The following LMO7 variants were observed in gnomAD, a reference collection of about 807,000 sequenced individuals.
LMO7 encodes the protein LIM domain 7.
LMO7 carries 120 observed loss-of-function variants against 206.5 expected under a neutral mutation model. The ratio of observed to expected loss-of-function variants is 0.58; its 90% CI spans 0.50 to 0.68. The LOEUF is 0.68. Ranked by LOEUF, LMO7 falls within the 30% of genes least tolerant of loss-of-function variation. The probability of loss-of-function intolerance (pLI) is 0.00; values close to 1 mark genes in which losing one functional copy is unlikely to be tolerated. For missense variants in LMO7, 1,959 were observed against 1,957.9 expected (o/e 1.00, Z -0.01); for synonymous variants, 706 against 681.5 (o/e 1.04, Z -0.56).
At chr13:75,780,289 G>A (rs547731352) in intron 4 of LMO7, among the ~76,000 whole-genome samples, 7 of 152,284 alleles carry the variant, frequency 4.6e-5, no homozygotes, top group South Asian at 2.1e-4. Context: ...AGACCAGGGC[G>A]TATTTCATCC....
chr13:75,764,054 C>A (rs2048538721), intron 4 of LMO7, among the ~76,000 whole-genome samples: 1 of 152,028 alleles, frequency 6.6e-6, no homozygotes, highest in Non-Finnish European at 1.5e-5. Context: ...TTGTAGGAAG[C>A]AGTAGTTTTA....
chr13:75,653,032 T>C (rs997958584), intron 1 of LMO7, among the ~76,000 whole-genome samples: 1 of 152,096 alleles, frequency 6.6e-6, no homozygotes, highest in Non-Finnish European at 1.5e-5. Flanking sequence ...GCCTCATCCA[T>C]GCCCTTTACA....
intron 6 of LMO7, among the ~76,000 whole-genome samples, chr13:75,798,918 A>G (rs140113770): frequency 1.5e-4 from 23 of 152,320 alleles, no homozygotes; most frequent in African/African-American, 4.3e-4. Flanking sequence ...TGAGTGTTGA[A>G]CTCTAAGGCC....
At chr13:75,709,215 G>A (rs1251627680) in intron 1 of LMO7, among the ~76,000 whole-genome samples, 1 of 152,194 alleles carries the variant, frequency 6.6e-6, no homozygotes, top group African/African-American at 2.4e-5. Context: ...CATTTGGCTT[G>A]GTTCCTAGTC....
intron 25 of LMO7, among the ~76,000 whole-genome samples, chr13:75,843,709 C>A (rs34902046): frequency 0.11 from 17,031 of 152,136 alleles, 1,262 homozygotes; most frequent in African/African-American, 0.21. Context: ...TGTTTTAAAG[C>A]AATTTTTAAA....
intron 6 of LMO7, among the ~76,000 whole-genome samples, chr13:75,799,063 G>C (rs1357429617): frequency 2.0e-5 from 3 of 152,236 alleles, no homozygotes; most frequent in Admixed American, 1.3e-4. Flanking sequence ...GTAGCAGGAT[G>C]TAAGGTAGGC....
At chr13:75,838,453 T>TA (rs35202291) in intron 20 of LMO7, 3,864 of 205,774 alleles carry the variant, frequency 0.019, 9 homozygotes, top group East Asian at 0.046. Context: ...TTTAACTTTG[T>TA]AAAAAAAAAA....
chr13:75,796,213 A>T (rs2053989327), intron 5 of LMO7, among the ~76,000 whole-genome samples: 2 of 152,354 alleles, frequency 1.3e-5, no homozygotes, highest in Admixed American at 1.3e-4. Flanking sequence ...AAATTGCAAG[A>T]ATATCTAAAA....
In LMO7 at chr13:75,840,332, G is replaced by C; in HGVS notation, c.3478-59G>C. 3 of 1,585,976 alleles carry C rather than the reference G, an allele frequency of 1.9e-6. No homozygotes were observed. The Admixed American group carries it at 5.1e-5, about 27-fold the overall frequency. ...TTATGTGTGCAAAAGTGGTTCAGTA[G>C]ATGACTTAATGAAGTTATGTTGTTC... On this transcript the variant is annotated intron_variant, in intron 21 of 30. Transcript: ENST00000377534.
intron 1 of LMO7, among the ~76,000 whole-genome samples, chr13:75,702,048 C>G (rs760885347): frequency 6.6e-6 from 1 of 151,638 alleles, no homozygotes; most frequent in Non-Finnish European, 1.5e-5. Flanking sequence ...TAAAAGTTGG[C>G]TATGGTCTAG....
chr13:75,655,271 G>T (rs549834214), intron 1 of LMO7, among the ~76,000 whole-genome samples: 3 of 152,272 alleles, frequency 2.0e-5, no homozygotes, highest in African/African-American at 7.2e-5. Flanking sequence ...TGCGGAGCTT[G>T]TCCCTCTGAA....
At chr13:75,763,625 A>C (rs2048468181) in intron 4 of LMO7, among the ~76,000 whole-genome samples, 1 of 152,162 alleles carries the variant, frequency 6.6e-6, no homozygotes, top group African/African-American at 2.4e-5. Context: ...AAAATGCTGT[A>C]TTATAACTGC....
intron 10 of LMO7, 122 bp from the exon 11 acceptor site, chr13:75,809,032 G>T (rs1259697428): frequency 1.3e-5 from 10 of 757,484 alleles, no homozygotes; most frequent in Non-Finnish European, 2.4e-5. Flanking sequence ...TGTGATGGAA[G>T]AAGTGACCTT....
At chr13:75,778,450 T>C (rs1035314896) in intron 4 of LMO7, among the ~76,000 whole-genome samples, 1 of 152,146 alleles carries the variant, frequency 6.6e-6, no homozygotes, top group African/African-American at 2.4e-5. Context: ...GCCAGGATGG[T>C]CTCGATGTCC....
chr13:75,694,775 G>A (rs947340402), intron 1 of LMO7, among the ~76,000 whole-genome samples: 1 of 152,134 alleles, frequency 6.6e-6, no homozygotes, highest in Non-Finnish European at 1.5e-5. Flanking sequence ...CAGGGCAAAT[G>A]CTCACCTGGG....
chr13:75,761,077 T>A (rs202043812), intron 4 of LMO7, 39 bp downstream of exon 4: 4 of 868,784 alleles, frequency 4.6e-6, no homozygotes, highest in South Asian at 2.3e-5. Context: ...ATATATATAT[T>A]TAAACTTAGG....
intron 2 of LMO7, among the ~76,000 whole-genome samples, chr13:75,714,048 CTT>C (rs373223018): frequency 8.5e-4 from 129 of 152,304 alleles, no homozygotes; most frequent in Admixed American, 2.3e-3. Flanking sequence ...AATCTAGACA[CTT>C]ATCGCACAGG....
At chr13:75,635,234 G>A (rs559586164), upstream of LMO7, among the ~76,000 whole-genome samples, 3 of 152,264 alleles carry the variant, frequency 2.0e-5, no homozygotes, top group East Asian at 5.8e-4. Flanking sequence ...ACAAGAGTTT[G>A]CTTTCGTTTC....
chr13:75,624,568 T>C (rs1346160931), intron 2 of LMO7, among the ~76,000 whole-genome samples: 7 of 152,212 alleles, frequency 4.6e-5, no homozygotes, highest in African/African-American at 1.4e-4. Flanking sequence ...AAGACATACC[T>C]GAGACTGGGC....
Sources: gnomAD v4.1 joint callset for allele counts (sites outside exome capture counted in the v4.1 genomes callset) on GRCh38, gnomAD v4.1.1 for gene constraint, MANE v1.5 for transcripts, NCBI Gene and HGNC (gene_info 2026-07-23, HGNC 2026-07-21) for gene names.